The following CEP83 variants were observed in gnomAD, a reference collection of about 807,000 sequenced individuals.
The protein encoded by CEP83 is centrosomal protein of 83 kDa.
In CEP83, 70 loss-of-function variants were observed where a neutral mutation model predicts 101.9. That is an observed-to-expected ratio of 0.69 (90% CI 0.57 to 0.84). CEP83 has a LOEUF of 0.84. CEP83 is among the 40% of genes least tolerant of loss of function. The probability of loss-of-function intolerance (pLI) is 0.00; values close to 1 mark genes in which losing one functional copy is unlikely to be tolerated. For missense variants in CEP83, 715 were observed against 787.2 expected, an observed-to-expected ratio of 0.91 and a Z score of 1.10; for synonymous variants, 264 against 267.9, an observed-to-expected ratio of 0.99 and a Z score of 0.14.
downstream of CEP83, chr12:94,307,328 A>ACTAT (rs1165253301): frequency 1.3e-5 from 2 of 152,232 alleles, no homozygotes; most frequent in Non-Finnish European, 2.9e-5. Flanking sequence ...AGTGAAAAGC[A>ACTAT]CTATCTAGAT....
intron 14 of CEP83, among the ~76,000 whole-genome samples, chr12:94,316,143 T>A (rs1162413838): frequency 6.6e-6 from 1 of 152,178 alleles, no homozygotes; most frequent in Non-Finnish European, 1.5e-5. Context: ...GGTACAGTTT[T>A]CCCTTTAGGC....
Position 94,309,700 on chromosome 12 carries a change from C to G in CEP83, c.2001+218G>C, listed in dbSNP as rs115741190. Among the ~76,000 whole-genome samples, 1,313 of 152,222 alleles carry G rather than the reference C, an allele frequency of 8.6e-3. 21 individuals carry two copies. Among genetic ancestry groups the G allele is most frequent in the African/African-American group, 0.03 (1,265 of 41,514 alleles). ...GTCCAGTAAGAGATTTCACTCTCAG[C>G]ACCAACACTAAAGGATCATGATTCA... On this transcript the variant is annotated intron_variant, in intron 16 of 16. Transcript: ENST00000397809.
chr12:94,347,695 C>A (rs186094520), intron 11 of CEP83, among the ~76,000 whole-genome samples: 1 of 152,196 alleles, frequency 6.6e-6, no homozygotes, highest in East Asian at 1.9e-4. Flanking sequence ...AATCATATTA[C>A]GTTTATACAA....
At chr12:94,333,883 G>A (rs2059345145) in intron 12 of CEP83, among the ~76,000 whole-genome samples, 1 of 151,966 alleles carries the variant, frequency 6.6e-6, no homozygotes, top group African/African-American at 2.4e-5. Context: ...TCCAAAATAT[G>A]CAGGCCAGGA....
rs1045294132 is a variant in CEP83 at position 94,308,016 on chromosome 12, T to C, written c.*797A>G. On this transcript the variant is annotated 3_prime_UTR_variant, in exon 17 of 17. Coordinates refer to ENST00000397809, the MANE Select transcript of CEP83 (RefSeq NM_016122.3). ...ACATTAAAAAGGCTTCCAATGGGTG[T>C]AGACCAAAAAAAATGAGAGCATACT... 4 of 152,204 alleles carry C rather than the reference T, an allele frequency of 2.6e-5. No homozygotes were observed. The highest frequency in any genetic ancestry group is 1.3e-4 in the Admixed American group (2 of 15,268). The allele number at this position is 152,204 out of a possible 1,614,324, so 9.4% of individuals were successfully genotyped here. A position where few individuals can be genotyped will look rare whatever the true frequency, so the allele number is the denominator to read the frequency against.
intron 13 of CEP83, 72 bp downstream of exon 13, chr12:94,333,410 A>C (rs140442102): frequency 7.6e-7 from 1 of 1,310,198 alleles, no homozygotes; most frequent in African/African-American, 1.5e-5. Context: ...CAACATTGGA[A>C]TCATTACTAA....
At chr12:94,399,429 G>A (rs886897023) in intron 6 of CEP83, among the ~76,000 whole-genome samples, 1 of 152,166 alleles carries the variant, frequency 6.6e-6, no homozygotes, top group Non-Finnish European at 1.5e-5. Context: ...GAAAATAAGG[G>A]CTGGGCACGA....
intron 2 of CEP83, among the ~76,000 whole-genome samples, chr12:94,433,698 A>G (rs2065806309): frequency 6.6e-6 from 1 of 151,984 alleles, no homozygotes; most frequent in African/African-American, 2.4e-5. Flanking sequence ...AAAAAAGAAA[A>G]GAAAAGAAAA....
intron 2 of CEP83, among the ~76,000 whole-genome samples, chr12:94,413,655 A>G (rs1269714878): frequency 6.6e-6 from 1 of 152,166 alleles, no homozygotes; most frequent in African/African-American, 2.4e-5. Context: ...CTGTGTTAAG[A>G]AAACTAAATC....
the CEP83 span, among the ~76,000 whole-genome samples, chr12:94,283,659 A>T: frequency 1.3e-5 from 2 of 152,164 alleles, no homozygotes; most frequent in African/African-American, 2.4e-5. Context: ...AGGAGTGCTG[A>T]TTGGTCAGGT....
the CEP83 span, chr12:94,297,143 C>CT: frequency 5.0e-6 from 8 of 1,606,144 alleles, no homozygotes; most frequent in Admixed American, 5.0e-5. Context: ...CCCATGGTTG[C>CT]TTTTTTTAAT....
intron 1 of CEP83, among the ~76,000 whole-genome samples, chr12:94,440,289 A>G (rs1357486097): frequency 1.3e-5 from 2 of 152,160 alleles, no homozygotes; most frequent in Non-Finnish European, 2.9e-5. Context: ...AGAAAACCCT[A>G]AAAACTCATC....
rs1320042850 is a variant in CEP83, at chr12:94,400,965, C to A, written c.434G>T (p.Arg145Ile). Residue 145 changes from arginine to isoleucine, a missense_variant, in exon 6 of 17, where the codon AGA becomes ATA. Transcript: ENST00000397809. ...ATAGCGAAGCTTATTATATACAGCT[C>A]TATACTTTTCTACCTCCTAAAGGGA... Reference protein sequence around the residue: ...RNLDEEVEKYRAVYNKLRYEH... With the variant: ...RNLDEEVEKYIAVYNKLRYEH... 76 of 1,416,260 alleles carry A rather than the reference C, an allele frequency of 5.4e-5. No individual in the cohort carries two copies. The highest frequency in any genetic ancestry group is 7.1e-5 in the Non-Finnish European group (76 of 1,077,960). 87.7% of individuals were successfully genotyped at this position (1,416,260 alleles called of 1,614,324 possible). A position where few individuals can be genotyped will look rare whatever the true frequency, so the allele number is the denominator to read the frequency against.
intron 2 of CEP83, among the ~76,000 whole-genome samples, chr12:94,421,394 G>A (rs1198025103): frequency 6.6e-6 from 1 of 151,382 alleles, no homozygotes; most frequent in Non-Finnish European, 1.5e-5. Context: ...GGACTTAGAA[G>A]GGAGAGTAAT....
At chr12:94,266,081 T>G in the CEP83 span, among the ~76,000 whole-genome samples, 1 of 152,140 alleles carries the variant, frequency 6.6e-6, no homozygotes, top group African/African-American at 2.4e-5. Context: ...AAGATTACAG[T>G]GGGGTTTGGG....
intron 11 of CEP83, among the ~76,000 whole-genome samples, chr12:94,361,726 A>T (rs1593414479): frequency 6.6e-6 from 1 of 151,514 alleles, no homozygotes; most frequent in Admixed American, 6.6e-5. Flanking sequence ...TTTGAGACAG[A>T]GTTTCGCTCT....
In CEP83 at chr12:94,411,684, TA is replaced by T; in HGVS notation, c.324+12del. 5 of 1,583,274 alleles carry T rather than the reference TA, an allele frequency of 3.2e-6. No individual in the cohort carries two copies. Among genetic ancestry groups the T allele is most frequent in the Non-Finnish European group, 4.3e-6 (5 of 1,165,148 alleles). On this transcript the variant is annotated intron_variant, in intron 4 of 16. Transcript: ENST00000397809. ...CTTTTATACTAACTCAAAACTCAAATATATTTTCTCACCTGCAGTTTCATTT... is the reference window on the plus strand; with the variant it reads ...CTTTTATACTAACTCAAAACTCAAATTATTTTCTCACCTGCAGTTTCATTT...
the CEP83 span, chr12:94,298,485 T>G: frequency 1.5e-6 from 1 of 685,282 alleles, no homozygotes; most frequent in Non-Finnish European, 2.4e-6. Context: ...CTGGCCACAT[T>G]TGACAATTTT....
chr12:94,442,492 C>T (rs1385606856), intron 1 of CEP83, among the ~76,000 whole-genome samples: 2 of 151,894 alleles, frequency 1.3e-5, no homozygotes, highest in African/African-American at 4.8e-5. Flanking sequence ...CCAAACACCA[C>T]CTGTTCCCCC....
Sources: allele counts gnomAD v4.1 joint callset (sites outside exome capture counted in the v4.1 genomes callset), GRCh38; gene constraint gnomAD v4.1.1; transcripts MANE v1.5; gene names NCBI Gene and HGNC (gene_info 2026-07-23, HGNC 2026-07-21).